CDH18: variants seen among roughly 807,000 people sequenced by gnomAD.
CDH18 encodes the protein cadherin 18.
Under a neutral mutation model 67.9 loss-of-function variants are expected in CDH18, and 31 were observed. The observed-to-expected ratio is 0.46, with a 90% CI of 0.34 to 0.62. The LOEUF (loss-of-function observed/expected upper bound fraction) is 0.62. CDH18 is among the 20% of genes least tolerant of loss of function. The pLI is 0.01. For synonymous variants in CDH18, 362 were observed against 347.2 expected (o/e 1.04, Z -0.48); for missense variants, 890 against 975.5 (o/e 0.91, Z 1.17).
chr5:20,227,147 C>T (rs966265957), intron 2 of CDH18, among the ~76,000 whole-genome samples: 1 of 152,040 alleles, frequency 6.6e-6, no homozygotes, highest in African/African-American at 2.4e-5. Flanking sequence ...TTTCCCTTTC[C>T]TTTCTTGCAC....
chr5:20,304,396 T>C lies in CDH18; in HGVS notation c.-579-48891A>G. The C allele has an allele frequency of 2.1e-6, 3 of 1,418,864 alleles. No homozygotes were observed. The South Asian group carries it at 3.5e-5, about 16-fold the overall frequency. The allele number at this position is 1,418,864 out of a possible 1,614,324, so 87.9% of individuals were successfully genotyped here. ...TGGAGTAAAAAGCATCTTCTTCTTT[T>C]ACTTCAGTAACTACTACTTTGGGTA... On this transcript the variant is annotated intron_variant, in intron 1 of 14. Coordinates refer to the CDH18 transcript ENST00000507958.
chr5:20,005,431 C>CAT (rs1196785319), intron 2 of CDH18, among the ~76,000 whole-genome samples: 1 of 151,426 alleles, frequency 6.6e-6, no homozygotes, highest in Non-Finnish European at 1.5e-5. Flanking sequence ...CACACACACA[C>CAT]ACACACACAC....
intron 1 of CDH18, among the ~76,000 whole-genome samples, chr5:20,562,704 G>T (rs2471126): frequency 0.27 from 41,535 of 151,250 alleles, 7,153 homozygotes; most frequent in African/African-American, 0.49. Flanking sequence ...TTCTTTTATT[G>T]GTAAATTTAA....
intron 1 of CDH18, among the ~76,000 whole-genome samples, chr5:20,354,529 C>T (rs1406682699): frequency 6.6e-6 from 1 of 152,072 alleles, no homozygotes; most frequent in Admixed American, 6.5e-5. Flanking sequence ...ATCCTCCTGC[C>T]CCAAATGGGA....
At chr5:19,768,538 T>A (rs1162724897) in intron 3 of CDH18, among the ~76,000 whole-genome samples, 1 of 152,100 alleles carries the variant, frequency 6.6e-6, no homozygotes, top group Non-Finnish European at 1.5e-5. Flanking sequence ...TCCAGCTGAG[T>A]GTTGAAGGTA....
At chr5:19,562,101 T>C (rs908183943) in intron 8 of CDH18, among the ~76,000 whole-genome samples, 2 of 152,168 alleles carry the variant, frequency 1.3e-5, no homozygotes, top group African/African-American at 2.4e-5. Flanking sequence ...ACACTGAGGA[T>C]TGCCATGAAG....
intron 1 of CDH18, among the ~76,000 whole-genome samples, chr5:20,450,726 A>G (rs1750378831): frequency 1.3e-5 from 2 of 152,208 alleles, no homozygotes. Flanking sequence ...GTGGTTCTCT[A>G]GCACCTCACA....
intron 1 of CDH18, among the ~76,000 whole-genome samples, chr5:20,419,462 GTTTTTTTTTTTTT>G (rs202130030): frequency 1.7e-4 from 13 of 75,660 alleles, no homozygotes; most frequent in African/African-American, 5.5e-4. Flanking sequence ...ATGGGACTCT[GTTTTTTTTTTTTT>G]TTTTTTTTTT....
intron 5 of CDH18, among the ~76,000 whole-genome samples, chr5:19,636,099 A>G (rs183642325): frequency 6.6e-6 from 1 of 152,270 alleles, no homozygotes; most frequent in Non-Finnish European, 1.5e-5. Context: ...CCCTCCCCTG[A>G]TATTTATATA....
intron 2 of CDH18, among the ~76,000 whole-genome samples, chr5:19,930,044 A>G (rs1422514213): frequency 2.6e-5 from 4 of 152,094 alleles, no homozygotes; most frequent in Non-Finnish European, 5.9e-5. Flanking sequence ...CATTGATAAA[A>G]GGTTTAGCAT....
At chr5:20,154,133 G>C (rs1580360118) in intron 2 of CDH18, among the ~76,000 whole-genome samples, 1 of 152,130 alleles carries the variant, frequency 6.6e-6, no homozygotes, top group Admixed American at 6.6e-5. Flanking sequence ...ACCTTGGAGA[G>C]AGTTGGCTTT....
chr5:20,391,357 T>A lies in CDH18; in HGVS notation c.-579-135852A>T, dbSNP rs142460043. Among the ~76,000 whole-genome samples the A allele has an allele frequency of 6.6e-5, 10 of 151,888 alleles. No homozygotes were observed. In the East Asian group the frequency reaches 1.4e-3, roughly 21 times the overall value. On this transcript the variant is annotated intron_variant, in intron 1 of 14. Coordinates refer to the CDH18 transcript ENST00000507958. ...CTCTGAACTTATTGCATGGTCTTTA[T>A]CTAAAAATTAGGAATGCTAATAGTT...
intron 2 of CDH18, among the ~76,000 whole-genome samples, chr5:19,839,837 T>C (rs1160897946): frequency 2.0e-5 from 3 of 152,102 alleles, no homozygotes; most frequent in Non-Finnish European, 2.9e-5. Context: ...ATTTTCAAGT[T>C]TGGGAATTAC....
chr5:19,673,562 G>T (rs1468096620), intron 5 of CDH18, among the ~76,000 whole-genome samples: 1 of 151,932 alleles, frequency 6.6e-6, no homozygotes, highest in Non-Finnish European at 1.5e-5. Flanking sequence ...ATATTTAGTG[G>T]TTGTTTCTTT....
At chr5:20,249,666 G>C (rs1040123249) in intron 2 of CDH18, among the ~76,000 whole-genome samples, 1 of 151,974 alleles carries the variant, frequency 6.6e-6, no homozygotes, top group South Asian at 2.1e-4. Flanking sequence ...CACCGCGCCC[G>C]GCCTATTCCT....
intron 2 of CDH18, among the ~76,000 whole-genome samples, chr5:19,842,749 A>G (rs2150041055): frequency 6.6e-6 from 1 of 152,278 alleles, no homozygotes; most frequent in South Asian, 2.1e-4. Context: ...AAGATGTGGG[A>G]AAATTTGGAA....
intron 1 of CDH18, chr5:20,305,459 C>A (rs1426429703): frequency 1.4e-6 from 2 of 1,447,174 alleles, no homozygotes; most frequent in Non-Finnish European, 1.9e-6. Flanking sequence ...GTTTTCGAAC[C>A]TCCTCAGCGG....
chr5:19,927,290 G>A (rs1508629), intron 2 of CDH18, among the ~76,000 whole-genome samples: 109,194 of 152,038 alleles, frequency 0.72, 45,627 homozygotes, highest in Non-Finnish European at 0.93. Context: ...CACAGCAGGC[G>A]GCATGAGCTT....
intron 2 of CDH18, among the ~76,000 whole-genome samples, chr5:19,872,220 T>G (rs944010284): frequency 1.3e-5 from 2 of 152,110 alleles, no homozygotes; most frequent in East Asian, 3.9e-4. Context: ...GGTATTGAAA[T>G]GTATTCAGGT....
Sources: allele counts gnomAD v4.1 joint callset (sites outside exome capture counted in the v4.1 genomes callset), GRCh38; gene constraint gnomAD v4.1.1; transcripts MANE v1.5; gene names NCBI Gene and HGNC (gene_info 2026-07-23, HGNC 2026-07-21).